Variants in NUP210 observed in about 807,000 individuals in gnomAD.
NUP210 encodes the protein nuclear pore membrane glycoprotein 210.
NUP210 carries 151 observed loss-of-function variants against 196.0 expected under a neutral mutation model. That is an observed-to-expected ratio of 0.77 (90% CI 0.67 to 0.88). NUP210 has a LOEUF of 0.88. Among genes scored for constraint, NUP210 ranks in the 40% least tolerant of loss-of-function variants. The pLI is 0.00. For synonymous variants in NUP210, 1,070 were observed against 1,052.7 expected, an observed-to-expected ratio of 1.02 and a Z score of -0.32; for missense variants, 2,314 against 2,493.7, an observed-to-expected ratio of 0.93 and a Z score of 1.53.
At chr3:13,416,403 G>A (rs1700350376) in intron 1 of NUP210, among the ~76,000 whole-genome samples, 1 of 152,188 alleles carries the variant, frequency 6.6e-6, no homozygotes. Flanking sequence ...GGCCCGGGAG[G>A]TCGCACAACA....
intron 16 of NUP210, among the ~76,000 whole-genome samples, chr3:13,357,653 C>T (rs1436711764): frequency 6.6e-6 from 1 of 152,170 alleles, no homozygotes; most frequent in Non-Finnish European, 1.5e-5. Flanking sequence ...GCCCTAGGGA[C>T]TAAGGCATGG....
chr3:13,376,569 A>T, intron 9 of NUP210, 138 bp from the exon 10 acceptor site: 1 of 837,494 alleles, frequency 1.2e-6, no homozygotes. Context: ...AGCCTCCACT[A>T]GCAGCAGACG....
In NUP210 at chr3:13,399,877, A is replaced by G. The variant is rs773396259; in HGVS notation, c.168-16T>C. 3 of 1,592,318 alleles carry G rather than the reference A, an allele frequency of 1.9e-6. No individual in the cohort carries two copies. Among genetic ancestry groups the G allele is most frequent in the South Asian group, 2.3e-5 (2 of 86,320 alleles). ...GGTGGACAACCTGCAGTGGAAGAAG[A>G]CAGCATTTACTCTCTGGAGCTGCAC... On this transcript the variant is annotated splice_polypyrimidine_tract_variant and intron_variant, in intron 1 of 39. Transcript: ENST00000254508.
At chr3:13,358,633 C>T (rs902864056) in intron 15 of NUP210, among the ~76,000 whole-genome samples, 1 of 152,172 alleles carries the variant, frequency 6.6e-6, no homozygotes, top group South Asian at 2.1e-4. Context: ...TGGGCTGCTC[C>T]TATCCCAGGG....
chr3:13,387,148 T>C (rs1699304918), intron 5 of NUP210, among the ~76,000 whole-genome samples: 2 of 152,272 alleles, frequency 1.3e-5, no homozygotes, highest in Non-Finnish European at 2.9e-5. Flanking sequence ...TTCTACATTT[T>C]TCTGAGTTCA....
At chr3:13,334,602 A>T (rs1208845517) in intron 28 of NUP210, among the ~76,000 whole-genome samples, 2 of 152,142 alleles carry the variant, frequency 1.3e-5, no homozygotes, top group East Asian at 3.9e-4. Context: ...CTTGGGACAT[A>T]TAAGGAACAC....
At chr3:13,404,954 T>G (rs1434486758) in intron 1 of NUP210, among the ~76,000 whole-genome samples, 2 of 151,594 alleles carry the variant, frequency 1.3e-5, no homozygotes, top group Non-Finnish European at 2.9e-5. Flanking sequence ...AGACAGGGAG[T>G]GCAGGAGGAG....
intron 1 of NUP210, among the ~76,000 whole-genome samples, chr3:13,401,903 A>G (rs1047427045): frequency 3.3e-5 from 5 of 152,060 alleles, no homozygotes; most frequent in Admixed American, 6.5e-5. Context: ...AAAAAAAAAA[A>G]AGTCTACTCT....
chr3:13,358,271 C>A lies in NUP210; in HGVS notation c.2279G>T (p.Ser760Ile). 6.2e-7 allele frequency: 1 copy of A among 1,613,602 alleles called. No homozygotes were observed. Among genetic ancestry groups the A allele is most frequent in the Non-Finnish European group, 8.5e-7 (1 of 1,179,800 alleles). Residue 760 changes from serine to isoleucine, a missense_variant, in exon 16 of 40, where the codon AGC becomes ATC. Coordinates refer to ENST00000254508, the MANE Select transcript of NUP210 (RefSeq NM_024923.4). ...CGGACAGGACATGTCCAGCTGGGGGCTGGTGTAGACAGGCGCGAGGGTGAG... is the reference window on the plus strand; with the variant it reads ...CGGACAGGACATGTCCAGCTGGGGGATGGTGTAGACAGGCGCGAGGGTGAG... The part of the protein sequence containing the change: ...SRLTLAPVYT[S>I]PQLDMSCPLL...
intron 14 of NUP210, 124 bp from the exon 15 acceptor site, chr3:13,360,615 T>C (rs1559328336): frequency 1.4e-5 from 9 of 655,106 alleles, no homozygotes; most frequent in Non-Finnish European, 2.1e-5. Flanking sequence ...CCCCATCTCC[T>C]GTTTGAAACT....
intron 17 of NUP210, 116 bp downstream of exon 17, chr3:13,353,799 G>T: frequency 1.6e-6 from 2 of 1,240,494 alleles, no homozygotes; most frequent in Non-Finnish European, 1.1e-6. Flanking sequence ...GATTGTAAGA[G>T]TTAACAGGAT....
At chr3:13,351,564 C>T (rs984052653) in intron 20 of NUP210, 1 of 289,364 alleles carries the variant, frequency 3.5e-6, no homozygotes, top group Non-Finnish European at 6.6e-6. Context: ...CTGCTCAATG[C>T]ACCCCTCAAC....
At chr3:13,344,852 A>C in intron 20 of NUP210, 1 of 881,950 alleles carries the variant, frequency 1.1e-6, no homozygotes, top group Non-Finnish European at 1.4e-6. Context: ...CTCTTTCCCC[A>C]GCCTCCACCT....
intron 1 of NUP210, among the ~76,000 whole-genome samples, chr3:13,400,236 T>G (rs1432858236): frequency 6.6e-6 from 1 of 152,174 alleles, no homozygotes; most frequent in Admixed American, 6.5e-5. Context: ...AGGGACACGT[T>G]GCACAGGGAG....
At chr3:13,351,814 T>C in intron 20 of NUP210, 65 bp downstream of exon 20, 1 of 1,053,980 alleles carries the variant, frequency 9.5e-7, no homozygotes, top group South Asian at 1.4e-5. Context: ...GATCAATCAA[T>C]TAACCACACA....
intron 13 of NUP210, among the ~76,000 whole-genome samples, chr3:13,366,644 A>G (rs1698547773): frequency 6.6e-6 from 1 of 150,442 alleles, no homozygotes; most frequent in African/African-American, 2.4e-5. Context: ...CAGCCTCCCG[A>G]GTAGCTGGGA....
intron 14 of NUP210, among the ~76,000 whole-genome samples, chr3:13,364,147 G>A (rs529770266): frequency 5.3e-5 from 8 of 152,246 alleles, no homozygotes; most frequent in Non-Finnish European, 1.0e-4. Context: ...GGCAAGCAGA[G>A]GTAAAATACA....
chr3:13,403,987 C>G (rs545808067), intron 1 of NUP210, among the ~76,000 whole-genome samples: 2 of 152,368 alleles, frequency 1.3e-5, no homozygotes, highest in East Asian at 3.9e-4. Flanking sequence ...CCTGCTCTCT[C>G]TGGGTCAGGA....
chr3:13,345,360 A>G (rs959465480), intron 20 of NUP210, among the ~76,000 whole-genome samples: 1 of 152,248 alleles, frequency 6.6e-6, no homozygotes, highest in Admixed American at 6.5e-5. Context: ...GAAAAGGCAG[A>G]GCTGGGGATA....
Sources: allele counts gnomAD v4.1 joint callset (sites outside exome capture counted in the v4.1 genomes callset), GRCh38; gene constraint gnomAD v4.1.1; transcripts MANE v1.5; gene names NCBI Gene and HGNC (gene_info 2026-07-23, HGNC 2026-07-21).